Variants in FGF14 observed in about 807,000 individuals in gnomAD.
FGF14 encodes fibroblast growth factor homologous factor 4.
FGF14 carries 5 observed loss-of-function variants against 25.5 expected under a neutral mutation model. The ratio of observed to expected loss-of-function variants is 0.20; its 90% CI spans 0.10 to 0.41. FGF14 has a LOEUF of 0.41. Ranked by LOEUF, FGF14 falls within the 10% of genes least tolerant of loss-of-function variation. The pLI is 1.00. For synonymous variants in FGF14, 138 were observed against 118.3 expected (o/e 1.17, Z -1.08); for missense variants, 222 against 320.1 (o/e 0.69, Z 2.34).
intron 1 of FGF14, among the ~76,000 whole-genome samples, chr13:102,221,654 A>T (rs893469255): frequency 7.2e-5 from 11 of 151,956 alleles, no homozygotes; most frequent in Non-Finnish European, 1.5e-5. Context: ...ACAGATTTTA[A>T]GTGAAAATGT....
At chr13:101,747,182 G>A (rs908622512) in intron 3 of FGF14, among the ~76,000 whole-genome samples, 6 of 151,952 alleles carry the variant, frequency 3.9e-5, no homozygotes, top group Non-Finnish European at 8.8e-5. Flanking sequence ...AATAGCCTCT[G>A]GTAAAGGCAA....
intron 1 of FGF14, among the ~76,000 whole-genome samples, chr13:102,401,249 G>A (rs548025787): frequency 6.6e-6 from 1 of 151,750 alleles, no homozygotes. Context: ...TCCTAGTGAT[G>A]GATTGTGTCA....
In FGF14 at chr13:101,743,721, AAAAT is replaced by A. The variant is rs771042143; in HGVS notation, c.409-16915_409-16912del. Among the ~76,000 whole-genome samples the A allele has an allele frequency of 5.9e-5, 9 of 152,268 alleles. 1 individual carries two copies. Among genetic ancestry groups the A allele is most frequent in the Middle Eastern group, 6.8e-3 (2 of 294 alleles). On this transcript the variant is annotated intron_variant, in intron 3 of 4. Transcript: ENST00000376143. ...TAAGTTTGATGTTCTTTTGAAAGAGAAAATAAATATTGAACATATTCACATCTGT... is the reference window on the plus strand; with the variant it reads ...TAAGTTTGATGTTCTTTTGAAAGAGAAAATATTGAACATATTCACATCTGT...
intron 3 of FGF14, among the ~76,000 whole-genome samples, chr13:101,800,268 T>C (rs1420100452): frequency 6.6e-6 from 1 of 152,176 alleles, no homozygotes; most frequent in Non-Finnish European, 1.5e-5. Flanking sequence ...AAGTAATTTA[T>C]ATTTCAAAGA....
At chr13:101,977,422 G>T (rs776014803) in intron 1 of FGF14, among the ~76,000 whole-genome samples, 23 of 152,094 alleles carry the variant, frequency 1.5e-4, no homozygotes, top group Non-Finnish European at 2.8e-4. Context: ...ATCCCAAATT[G>T]GTTTAAAGGC....
intron 1 of FGF14, among the ~76,000 whole-genome samples, chr13:102,202,332 C>T (rs1360372977): frequency 6.6e-6 from 1 of 152,082 alleles, no homozygotes; most frequent in Non-Finnish European, 1.5e-5. Context: ...TATAAGGATG[C>T]GGTCATTGAT....
chr13:102,374,834 G>C (rs1245944853), intron 1 of FGF14, among the ~76,000 whole-genome samples: 1 of 151,248 alleles, frequency 6.6e-6, no homozygotes, highest in African/African-American at 2.4e-5. Context: ...TGATTCAAGA[G>C]ATATAGGTAG....
At chr13:102,114,190 C>T (rs1476068099) in intron 1 of FGF14, among the ~76,000 whole-genome samples, 1 of 152,198 alleles carries the variant, frequency 6.6e-6, no homozygotes, top group Non-Finnish European at 1.5e-5. Context: ...TTTACATATA[C>T]CTATTGATTA....
intron 1 of FGF14, among the ~76,000 whole-genome samples, chr13:102,274,620 T>C (rs1052112622): frequency 2.0e-5 from 3 of 152,078 alleles, no homozygotes; most frequent in Admixed American, 6.6e-5. Context: ...ATATATATAA[T>C]ATATTTTTTA....
intron 1 of FGF14, among the ~76,000 whole-genome samples, chr13:102,318,154 G>A (rs1383445299): frequency 6.6e-6 from 1 of 152,168 alleles, no homozygotes; most frequent in Non-Finnish European, 1.5e-5. Context: ...AAGCTGAGAG[G>A]ATCAACACCT....
At chr13:102,003,842 A>C (rs1033255960) in intron 1 of FGF14, among the ~76,000 whole-genome samples, 1 of 152,266 alleles carries the variant, frequency 6.6e-6, no homozygotes, top group South Asian at 2.1e-4. Flanking sequence ...CAATGCCCAT[A>C]TATATAGCCA....
At chr13:102,147,703 G>A (rs2046911055) in intron 1 of FGF14, among the ~76,000 whole-genome samples, 1 of 152,098 alleles carries the variant, frequency 6.6e-6, no homozygotes, top group Non-Finnish European at 1.5e-5. Context: ...GGGAGGAGGT[G>A]GATGGTCTGC....
chr13:102,348,012 A>C (rs961322370), intron 1 of FGF14, among the ~76,000 whole-genome samples: 3 of 152,138 alleles, frequency 2.0e-5, no homozygotes, highest in African/African-American at 7.2e-5. Flanking sequence ...GGGTAAAAAA[A>C]AAAAAAAAGC....
intron 1 of FGF14, among the ~76,000 whole-genome samples, chr13:102,087,052 C>T (rs1473209680): frequency 1.3e-5 from 2 of 152,108 alleles, no homozygotes; most frequent in Admixed American, 6.5e-5. Context: ...GTCATTAGGA[C>T]GTAAATTTGT....
intron 1 of FGF14, among the ~76,000 whole-genome samples, chr13:102,282,230 C>A (rs890725319): frequency 1.3e-5 from 2 of 152,002 alleles, no homozygotes; most frequent in Non-Finnish European, 2.9e-5. Context: ...CCATGCCAAG[C>A]TAATTTTGTA....
rs570609106 is a variant in FGF14, at chr13:102,095,547, A to C, written c.209-220251T>G. Among the ~76,000 whole-genome samples, 15 of 152,236 alleles carry C rather than the reference A, an allele frequency of 9.9e-5. No homozygotes were observed. The South Asian group carries it at 3.1e-3, about 32-fold the overall frequency. ...ATGTATTTTCATAAAGTTGCACTAA[A>C]TGTGCCTGCCTCTCCTGCCTTCTTT... On this transcript the variant is annotated intron_variant, in intron 1 of 4. Coordinates refer to the FGF14 transcript ENST00000376131.
At chr13:102,096,697 C>A (rs9557803) in intron 1 of FGF14, among the ~76,000 whole-genome samples, 2 of 151,928 alleles carry the variant, frequency 1.3e-5, no homozygotes, top group Non-Finnish European at 1.5e-5. Context: ...GATTTCAACC[C>A]ACAGCTATCA....
rs774872814 is a variant in FGF14 at position 102,006,727 on chromosome 13, C to CTTTTTTTTT, written c.209-131440_209-131432dup. Among the ~76,000 whole-genome samples, 150 of 61,970 alleles carry CTTTTTTTTT rather than the reference C, an allele frequency of 2.4e-3. 14 individuals are homozygous for CTTTTTTTTT. Among genetic ancestry groups the CTTTTTTTTT allele is most frequent in the African/African-American group, 7.0e-3 (97 of 13,924 alleles). 40.7% of individuals were successfully genotyped at this position (61,970 alleles called of 152,430 possible). ...AAATATGAGTCACAAAATCTTACTT[C>CTTTTTTTTT]TTTTTTTTTTTTTTTTTTTTTTTTT... On this transcript the variant is annotated intron_variant, in intron 1 of 4. Transcript: ENST00000376131.
chr13:102,153,431 G>A (rs1232291534), intron 1 of FGF14, among the ~76,000 whole-genome samples: 1 of 152,100 alleles, frequency 6.6e-6, no homozygotes, highest in African/African-American at 2.4e-5. Context: ...CTTCTTGCAC[G>A]CCCTTGAGCA....
Sources: gnomAD v4.1 joint callset for allele counts (sites outside exome capture counted in the v4.1 genomes callset) on GRCh38, gnomAD v4.1.1 for gene constraint, MANE v1.5 for transcripts, NCBI Gene and HGNC (gene_info 2026-07-23, HGNC 2026-07-21) for gene names.